The following USH2A variants were observed in gnomAD, a reference collection of about 807,000 sequenced individuals.
USH2A encodes the protein Usher syndrome 2A (autosomal recessive, mild).
In USH2A, 443 loss-of-function variants were observed where a neutral mutation model predicts 538.9. The observed-to-expected ratio is 0.82, with a 90% CI of 0.76 to 0.89. The LOEUF is 0.89. Ranked by LOEUF, USH2A falls within the 40% of genes least tolerant of loss-of-function variation. The probability of loss-of-function intolerance (pLI) is 0.00; values close to 1 mark genes in which losing one functional copy is unlikely to be tolerated. For missense variants in USH2A, 6,633 were observed against 6,324.8 expected (o/e 1.05, Z -1.65); for synonymous variants, 2,413 against 2,273.5 (o/e 1.06, Z -1.75).
intron 30 of USH2A, among the ~76,000 whole-genome samples, chr1:216,051,314 AC>A (rs2030777283): frequency 6.6e-6 from 1 of 152,236 alleles, no homozygotes; most frequent in Admixed American, 6.5e-5. Context: ...CCAAGAATCA[AC>A]ATTCTAAATA....
At chr1:216,005,342 T>C (rs1047445125) in intron 32 of USH2A, among the ~76,000 whole-genome samples, 5 of 152,136 alleles carry the variant, frequency 3.3e-5, no homozygotes, top group Admixed American at 1.3e-4. Context: ...CTTGTTTAGT[T>C]CCATATCATA....
Position 215,658,019 on chromosome 1 carries a change from C to T in USH2A, c.14134-7218G>A, listed in dbSNP as rs545532075. Among the ~76,000 whole-genome samples, 10 of 150,836 alleles carry T rather than the reference C, an allele frequency of 6.6e-5. No homozygotes were observed. The South Asian group carries it at 1.1e-3, about 16-fold the overall frequency. ...CGTGATCTCGGCTGACTGCAAGCTC[C>T]GCCTCCCAGGTTCACACTATTCTCC... On this transcript the variant is annotated intron_variant, in intron 64 of 71. Transcript: ENST00000307340.
intron 21 of USH2A, among the ~76,000 whole-genome samples, chr1:216,160,104 T>C (rs950762689): frequency 1.8e-4 from 27 of 152,022 alleles, no homozygotes; most frequent in Admixed American, 7.9e-4. Context: ...CAATTCTTGG[T>C]CTTATTTTCT....
Position 216,316,171 on chromosome 1 carries a change from T to C in USH2A, c.1644+5712A>G, listed in dbSNP as rs562765440. ...AATCAGTGAGGCTCCCCAAGGTAAA[T>C]GTTTTTAGATGTCAAAAATGTAATT... On this transcript the variant is annotated intron_variant, in intron 9 of 71. Coordinates refer to ENST00000307340, the MANE Select transcript of USH2A (RefSeq NM_206933.4). Among the ~76,000 whole-genome samples, 14 of 152,234 alleles carry C rather than the reference T, an allele frequency of 9.2e-5. No homozygotes were observed. In the South Asian group the frequency reaches 2.9e-3, roughly 32 times the overall value.
chr1:216,127,057 G>A (rs10495017), intron 21 of USH2A, among the ~76,000 whole-genome samples: 10,075 of 152,256 alleles, frequency 0.066, 418 homozygotes, highest in South Asian at 0.18. Flanking sequence ...TATGGATAGA[G>A]GTCTTCAGGG....
At chr1:215,902,035 C>T (rs1665514942) in intron 38 of USH2A, among the ~76,000 whole-genome samples, 1 of 152,076 alleles carries the variant, frequency 6.6e-6, no homozygotes, top group Admixed American at 6.6e-5. Context: ...ACTATTATTA[C>T]TATTATTACA....
chr1:216,368,615 T>G (rs1426830392), intron 3 of USH2A, among the ~76,000 whole-genome samples: 3 of 152,208 alleles, frequency 2.0e-5, no homozygotes, highest in Non-Finnish European at 4.4e-5. Flanking sequence ...CATGATCCTT[T>G]CTCTCAAGGA....
rs1489189133 is a variant in USH2A at position 215,758,583 on chromosome 1, T to C, written c.11389+12A>G. ...TTACACACACACACACATACTTCTTTTTTTTTTTTACCTGGTGGTATCCAA... is the reference window on the plus strand; with the variant it reads ...TTACACACACACACACATACTTCTTCTTTTTTTTTACCTGGTGGTATCCAA... On this transcript the variant is annotated intron_variant, in intron 58 of 71. Coordinates refer to ENST00000307340, the MANE Select transcript of USH2A (RefSeq NM_206933.4). 6.3e-7 allele frequency: 1 copy of C among 1,592,102 alleles called. No individual in the cohort carries two copies. Among genetic ancestry groups the C allele is most frequent in the Non-Finnish European group, 8.6e-7 (1 of 1,163,932 alleles).
At chr1:216,096,606 A>G (rs560415415) in intron 22 of USH2A, among the ~76,000 whole-genome samples, 39 of 152,290 alleles carry the variant, frequency 2.6e-4, no homozygotes, top group African/African-American at 9.4e-4. Flanking sequence ...TGATTATTTT[A>G]CTGTATCCTT....
At chr1:216,087,700 T>C (rs2102564031) in intron 23 of USH2A, among the ~76,000 whole-genome samples, 1 of 152,254 alleles carries the variant, frequency 6.6e-6, no homozygotes, top group East Asian at 1.9e-4. Context: ...TGCCTCAATC[T>C]CATCACCAAA....
chr1:215,977,303 G>A (rs1303389244), intron 35 of USH2A, among the ~76,000 whole-genome samples: 2 of 151,948 alleles, frequency 1.3e-5, no homozygotes, highest in African/African-American at 2.4e-5. Flanking sequence ...ACTTTTTGAG[G>A]TAGCTATTTA....
At chr1:216,070,662 C>A (rs2031529004) in intron 29 of USH2A, among the ~76,000 whole-genome samples, 1 of 151,926 alleles carries the variant, frequency 6.6e-6, no homozygotes, top group Admixed American at 6.6e-5. Flanking sequence ...GATAATTAGA[C>A]TGTTATTATA....
At chr1:216,404,487 T>A (rs2039358805) in intron 3 of USH2A, among the ~76,000 whole-genome samples, 1 of 152,138 alleles carries the variant, frequency 6.6e-6, no homozygotes, top group African/African-American at 2.4e-5. Context: ...TCTACTAATT[T>A]TTGACAAATG....
intron 11 of USH2A, among the ~76,000 whole-genome samples, chr1:216,277,244 A>T (rs2036687718): frequency 6.6e-6 from 1 of 152,134 alleles, no homozygotes; most frequent in African/African-American, 2.4e-5. Flanking sequence ...TCCTCTGGGA[A>T]CATGTAGGAG....
chr1:215,972,448 A>G (rs1262606246), intron 35 of USH2A, among the ~76,000 whole-genome samples: 1 of 152,134 alleles, frequency 6.6e-6, no homozygotes, highest in Non-Finnish European at 1.5e-5. Context: ...CCTGTCAATC[A>G]TCCTTTTCTT....
At chr1:216,293,313 C>T (rs1292481769) in intron 9 of USH2A, among the ~76,000 whole-genome samples, 1 of 152,142 alleles carries the variant, frequency 6.6e-6, no homozygotes, top group African/African-American at 2.4e-5. Context: ...CGTGAGCCAC[C>T]GCACCCGGCC....
chr1:216,066,077 A>C (rs527901583), intron 30 of USH2A, among the ~76,000 whole-genome samples: 43 of 152,242 alleles, frequency 2.8e-4, no homozygotes, highest in Admixed American at 1.3e-4. Context: ...ATTTTTTTCA[A>C]GTGTAAACCT....
chr1:215,912,501 A>ATATATACG (rs1665829548), intron 38 of USH2A, among the ~76,000 whole-genome samples: 2 of 27,666 alleles, frequency 7.2e-5, no homozygotes, highest in African/African-American at 1.8e-4. Flanking sequence ...GTGTATATAT[A>ATATATACG]TATATATATA....
intron 3 of USH2A, 129 bp downstream of exon 3, chr1:216,418,385 G>T: frequency 9.7e-7 from 1 of 1,035,772 alleles, no homozygotes; most frequent in Non-Finnish European, 1.4e-6. Context: ...TTCTTTAGTT[G>T]TCATTTATAC....
Sources: allele counts gnomAD v4.1 joint callset (sites outside exome capture counted in the v4.1 genomes callset), GRCh38; gene constraint gnomAD v4.1.1; transcripts MANE v1.5; gene names NCBI Gene and HGNC (gene_info 2026-07-23, HGNC 2026-07-21).